Variants in CASR observed in about 807,000 individuals in gnomAD.
CASR encodes extracellular calcium-sensing receptor.
CASR carries 23 observed loss-of-function variants against 69.1 expected under a neutral mutation model. The ratio of observed to expected loss-of-function variants is 0.33; its 90% CI spans 0.24 to 0.47. The LOEUF is 0.47. Ranked by LOEUF, CASR falls within the 20% of genes least tolerant of loss-of-function variation. The probability of loss-of-function intolerance (pLI) is 1.00; values close to 1 mark genes in which losing one functional copy is unlikely to be tolerated. For synonymous variants in CASR, 541 were observed against 544.7 expected (o/e 0.99, Z 0.10); for missense variants, 924 against 1,356.1 (o/e 0.68, Z 5.00).
chr3:122,267,581 A>G (rs902734593), intron 4 of CASR, among the ~76,000 whole-genome samples: 7 of 152,238 alleles, frequency 4.6e-5, no homozygotes, highest in South Asian at 2.1e-4. Flanking sequence ...GATTTCATTT[A>G]TGCGATACTC....
In CASR at chr3:122,290,809, A is replaced by G. The variant is rs1349817312; in HGVS notation, c.*5618A>G. ...TTTGTTACATATGTATACATGTGCC[A>G]TGTTGGTGTGCTGTACCCATTAACT... On this transcript the variant is annotated 3_prime_UTR_variant, in exon 7 of 7. Transcript: ENST00000639785. 1 of 151,324 alleles carries G rather than the reference A, an allele frequency of 6.6e-6. No individual in the cohort carries two copies. The highest frequency in any genetic ancestry group is 1.9e-4 in the East Asian group (1 of 5,144). 9.4% of individuals were successfully genotyped at this position (151,324 alleles called of 1,614,324 possible). A position where few individuals can be genotyped will look rare whatever the true frequency, so the allele number is the denominator to read the frequency against.
chr3:122,246,849 C>T (rs2074432991), intron 1 of CASR: 2 of 152,168 alleles, frequency 1.3e-5, no homozygotes, highest in Admixed American at 6.6e-5. Flanking sequence ...GGGAAAGGCT[C>T]AGTGTACAAC....
rs1233714531 is a variant in CASR, at chr3:122,287,463, C to T, written c.*2272C>T. ...CAACTTAATTTCTATCTCAAATTCCCCTCCAGCCTAGTGACAGAAACTTCA... is the reference window on the plus strand; with the variant it reads ...CAACTTAATTTCTATCTCAAATTCCTCTCCAGCCTAGTGACAGAAACTTCA... On this transcript the variant is annotated 3_prime_UTR_variant, in exon 7 of 7. Transcript: ENST00000639785. 6.6e-6 allele frequency: 1 copy of T among 152,212 alleles called. No homozygotes were observed. Among genetic ancestry groups the T allele is most frequent in the Non-Finnish European group, 1.5e-5 (1 of 68,034 alleles). The allele number at this position is 152,212 out of a possible 1,614,324, so 9.4% of individuals were successfully genotyped here.
At chr3:122,233,679 G>C (rs1205017865) in intron 1 of CASR, among the ~76,000 whole-genome samples, 2 of 152,142 alleles carry the variant, frequency 1.3e-5, no homozygotes, top group Admixed American at 1.3e-4. Flanking sequence ...GATTACGCAT[G>C]GGCTACTTGG....
intron 1 of CASR, among the ~76,000 whole-genome samples, chr3:122,198,210 G>A (rs2073908652): frequency 6.6e-6 from 1 of 152,188 alleles, no homozygotes; most frequent in African/African-American, 2.4e-5. Flanking sequence ...AAGGATTTAT[G>A]ACACAGAATT....
chr3:122,252,417 G>GGAAGGAA (rs2074501979), intron 1 of CASR, among the ~76,000 whole-genome samples: 2 of 28,680 alleles, frequency 7.0e-5, no homozygotes, highest in East Asian at 6.3e-4. Flanking sequence ...GAAAAAGAAA[G>GGAAGGAA]AAAGAAAGAA....
intron 4 of CASR, among the ~76,000 whole-genome samples, chr3:122,273,811 G>T (rs1178539351): frequency 1.3e-5 from 2 of 152,126 alleles, no homozygotes. Context: ...CAGAAGAACT[G>T]CATGTTCCTC....
chr3:122,276,756 G>A (rs2074826361), intron 5 of CASR, among the ~76,000 whole-genome samples: 1 of 152,238 alleles, frequency 6.6e-6, no homozygotes, highest in Admixed American at 6.5e-5. Flanking sequence ...AGAGGAGGAT[G>A]CTTGTGTGTC....
chr3:122,279,744 G>A (rs2074865406), intron 5 of CASR, among the ~76,000 whole-genome samples: 1 of 152,152 alleles, frequency 6.6e-6, no homozygotes, highest in African/African-American at 2.4e-5. Flanking sequence ...TCTAGGAATA[G>A]AAGGGAACCT....
chr3:122,201,356 C>T (rs1157184673), intron 1 of CASR, among the ~76,000 whole-genome samples: 1 of 152,228 alleles, frequency 6.6e-6, no homozygotes, highest in East Asian at 1.9e-4. Flanking sequence ...GCAGAAGAAC[C>T]TTTCCCAGTA....
intron 1 of CASR, among the ~76,000 whole-genome samples, chr3:122,242,817 A>G (rs1230710087): frequency 6.6e-6 from 1 of 152,202 alleles, no homozygotes; most frequent in Non-Finnish European, 1.5e-5. Flanking sequence ...TACTGGAATA[A>G]CAACAGACAC....
chr3:122,207,962 T>G (rs1365501738), intron 1 of CASR, among the ~76,000 whole-genome samples: 2 of 152,180 alleles, frequency 1.3e-5, no homozygotes, highest in Non-Finnish European at 2.9e-5. Flanking sequence ...CTACTATTAC[T>G]GTATTGCAGT....
chr3:122,242,835 A>C (rs1441153686), intron 1 of CASR, among the ~76,000 whole-genome samples: 1 of 152,206 alleles, frequency 6.6e-6, no homozygotes, highest in Admixed American at 6.5e-5. Flanking sequence ...CACATAGCTC[A>C]GTGGAACAGA....
intron 1 of CASR, among the ~76,000 whole-genome samples, chr3:122,215,944 T>C (rs1043133110): frequency 6.6e-5 from 10 of 152,210 alleles, no homozygotes. Context: ...GGCTGTTTCT[T>C]GAGGGCTGTG....
chr3:122,239,517 C>T (rs987897240), intron 1 of CASR, among the ~76,000 whole-genome samples: 3 of 152,352 alleles, frequency 2.0e-5, no homozygotes, highest in African/African-American at 7.2e-5. Flanking sequence ...GAACACAAGC[C>T]TGGTTGGCTT....
At position 122,290,559 on chromosome 3, in the gene CASR, G is replaced by A. The variant is rs1227387288; in HGVS notation, c.*5368G>A. On this transcript the variant is annotated 3_prime_UTR_variant, in exon 7 of 7. Transcript: ENST00000639785. ...TGGATAATTGTTTCTGCTTCTTTAGGATGTTCTAAATTTTTCCCAAGTTTT... is the reference window on the plus strand; with the variant it reads ...TGGATAATTGTTTCTGCTTCTTTAGAATGTTCTAAATTTTTCCCAAGTTTT... 3.9e-5 allele frequency: 6 copies of A among 152,090 alleles called. No individual in the cohort carries two copies. In the South Asian group the frequency reaches 6.2e-4, roughly 16 times the overall value. 9.4% of individuals were successfully genotyped at this position (152,090 alleles called of 1,614,324 possible). A position where few individuals can be genotyped will look rare whatever the true frequency, so the allele number is the denominator to read the frequency against.
At chr3:122,270,205 A>G (rs1171376806) in intron 4 of CASR, among the ~76,000 whole-genome samples, 3 of 152,166 alleles carry the variant, frequency 2.0e-5, no homozygotes, top group South Asian at 2.1e-4. Context: ...TTAGGTATAT[A>G]TGAGTCAGCT....
intron 1 of CASR, among the ~76,000 whole-genome samples, chr3:122,225,363 C>G (rs79634289): frequency 0.011 from 1,619 of 146,682 alleles, 28 homozygotes; most frequent in African/African-American, 0.038. Flanking sequence ...GGAACTTAAA[C>G]AATTGAACAG....
intron 4 of CASR, among the ~76,000 whole-genome samples, chr3:122,273,969 A>G (rs553137549): frequency 6.6e-6 from 1 of 152,352 alleles, no homozygotes; most frequent in Non-Finnish European, 1.5e-5. Context: ...GAACACATCT[A>G]GAACACCTCC....
Sources: allele counts gnomAD v4.1 joint callset (sites outside exome capture counted in the v4.1 genomes callset), GRCh38; gene constraint gnomAD v4.1.1; transcripts MANE v1.5; gene names NCBI Gene and HGNC (gene_info 2026-07-23, HGNC 2026-07-21).